Variants in TM6SF1 observed in about 807,000 individuals in gnomAD.
TM6SF1 encodes transmembrane 6 superfamily member 1.
TM6SF1 carries 43 observed loss-of-function variants against 47.1 expected under a neutral mutation model. That is an observed-to-expected ratio of 0.91 (90% CI 0.72 to 1.18). The LOEUF (loss-of-function observed/expected upper bound fraction) is 1.18, where lower values mean the gene tolerates loss of function less well. Ranked by LOEUF, TM6SF1 falls within the 50% of genes most tolerant of loss-of-function variation. The probability of loss-of-function intolerance (pLI) is 0.00; values close to 1 mark genes in which losing one functional copy is unlikely to be tolerated. For missense variants in TM6SF1, 390 were observed against 449.0 expected (o/e 0.87, Z 1.19); for synonymous variants, 177 against 166.3 (o/e 1.06, Z -0.49).
intron 3 of TM6SF1, among the ~76,000 whole-genome samples, chr15:83,118,743 C>T (rs1255859762): frequency 6.6e-6 from 1 of 151,836 alleles, no homozygotes; most frequent in Non-Finnish European, 1.5e-5. Flanking sequence ...ACAGCATGAA[C>T]GTGGGAGAAA....
intron 3 of TM6SF1, among the ~76,000 whole-genome samples, chr15:83,118,643 C>A (rs1013665444): frequency 6.6e-6 from 1 of 152,116 alleles, no homozygotes; most frequent in Admixed American, 6.6e-5. Flanking sequence ...GAAAGCCCTG[C>A]TTGCTTGGCT....
chr15:83,112,702 C>T (rs2034295681), intron 1 of TM6SF1, 95 bp from the exon 2 acceptor site: 2 of 864,056 alleles, frequency 2.3e-6, no homozygotes, highest in Non-Finnish European at 3.9e-6. Flanking sequence ...ATGAATTATG[C>T]AGCACTAGGA....
At position 83,126,807 on chromosome 15, in the gene TM6SF1, A is replaced by C; in HGVS notation, c.761A>C (p.Glu254Ala). 1 of 1,614,062 alleles carries C rather than the reference A, an allele frequency of 6.2e-7. No individual in the cohort carries two copies. Among genetic ancestry groups the C allele is most frequent in the Non-Finnish European group, 8.5e-7 (1 of 1,179,954 alleles). ...ELCRLYTQFQ[E>A]PYLKDPAAYP... is the part of the protein sequence containing the mutation. ...TGCCGATTATATACGCAATTTCAAG[A>C]GCCCTATCTAAAGGATCCTGCTGCT... Residue 254 changes from glutamate to alanine, a missense_variant, in exon 8 of 10, where the codon GAG becomes GCG. Transcript: ENST00000322019.
intron 5 of TM6SF1, among the ~76,000 whole-genome samples, chr15:83,122,213 T>C (rs1481004736): frequency 6.6e-6 from 1 of 152,194 alleles, no homozygotes; most frequent in Non-Finnish European, 1.5e-5. Flanking sequence ...ATTGAACAAT[T>C]TGGCAGTCAA....
chr15:83,113,029 T>C, intron 2 of TM6SF1, 129 bp downstream of exon 2: 1 of 777,996 alleles, frequency 1.3e-6, no homozygotes, highest in African/African-American at 1.7e-5. Context: ...AGTGTAGGGG[T>C]GTTTCAGGAC....
intron 1 of TM6SF1, chr15:83,112,593 C>A: frequency 1.7e-6 from 1 of 600,020 alleles, no homozygotes. Context: ...GCTTCGGTCC[C>A]TGAAAGTCAT....
At position 83,115,956 on chromosome 15, in the gene TM6SF1, T is replaced by A. The variant is rs1211479461; in HGVS notation, c.294+14T>A. 6.9e-6 allele frequency: 11 copies of A among 1,598,792 alleles called. No individual in the cohort carries two copies. The highest frequency in any genetic ancestry group is 9.4e-6 in the Non-Finnish European group (11 of 1,166,082). On this transcript the variant is annotated intron_variant, in intron 3 of 9. Transcript: ENST00000322019. ...TACTTGAGAGAGGTATGGGATCACT[T>A]AGTGATTATGAGGTTTCAACCAAAA...
At chr15:83,122,047 A>G in intron 5 of TM6SF1, 44 bp downstream of exon 5, 1 of 1,456,544 alleles carries the variant, frequency 6.9e-7, no homozygotes, top group Non-Finnish European at 9.6e-7. Context: ...TTCTAAAACA[A>G]TGGGGCTTGT....
At chr15:83,108,010 C>T (rs2033822101) in intron 1 of TM6SF1, 3 of 810,288 alleles carry the variant, frequency 3.7e-6, no homozygotes, top group Non-Finnish European at 5.0e-6. Flanking sequence ...GATGTTGGTG[C>T]CAGCACCGCG....
At chr15:83,118,585 G>A (rs2034916631) in intron 3 of TM6SF1, among the ~76,000 whole-genome samples, 1 of 152,156 alleles carries the variant, frequency 6.6e-6, no homozygotes, top group Non-Finnish European at 1.5e-5. Context: ...TGATCTGTGG[G>A]AGAGATGACA....
intron 3 of TM6SF1, among the ~76,000 whole-genome samples, chr15:83,116,889 C>T (rs769838961): frequency 3.3e-5 from 5 of 152,176 alleles, no homozygotes; most frequent in South Asian, 2.1e-4. Context: ...GCTGTTTTTA[C>T]ACCAGAGAGG....
chr15:83,134,695 C>A (rs2036496517), intron 9 of TM6SF1: 1 of 152,188 alleles, frequency 6.6e-6, no homozygotes, highest in African/African-American at 2.4e-5. Context: ...GGCATTTCCC[C>A]AAATTTGGTG....
chr15:83,131,750 T>G (rs941332486), intron 9 of TM6SF1: 1 of 152,242 alleles, frequency 6.6e-6, no homozygotes, highest in South Asian at 2.1e-4. Flanking sequence ...AAAAGAAGAT[T>G]GAATAAAATG....
In TM6SF1 at chr15:83,127,485, G is replaced by A; in HGVS notation, c.921+8G>A. Reference sequence around the variant, plus strand: ...GCTGGAGGTCTGGCTCAGGTACTAAGAATATTCTGTTGAGAAGGTTTACTT... The same window carrying A: ...GCTGGAGGTCTGGCTCAGGTACTAAAAATATTCTGTTGAGAAGGTTTACTT... On this transcript the variant is annotated splice_region_variant and intron_variant, in intron 9 of 9. Transcript: ENST00000322019. The A allele has an allele frequency of 6.2e-7, 1 of 1,612,594 alleles. No individual in the cohort carries two copies. Among genetic ancestry groups the A allele is most frequent in the Non-Finnish European group, 8.5e-7 (1 of 1,179,356 alleles).
intron 1 of TM6SF1, among the ~76,000 whole-genome samples, chr15:83,112,075 G>A (rs1363159474): frequency 6.6e-6 from 1 of 152,152 alleles, no homozygotes; most frequent in African/African-American, 2.4e-5. Flanking sequence ...CCACTGAGTA[G>A]CGGCTTTGGC....
chr15:83,119,060 G>A (rs2034970460), intron 3 of TM6SF1, among the ~76,000 whole-genome samples: 1 of 152,192 alleles, frequency 6.6e-6, no homozygotes, highest in South Asian at 2.1e-4. Context: ...TAGAAGGAGG[G>A]GTTGGGTGTG....
intron 9 of TM6SF1, chr15:83,131,203 C>T (rs1483928236): frequency 2.0e-5 from 3 of 152,122 alleles, no homozygotes; most frequent in South Asian, 2.1e-4. Flanking sequence ...CTTATGCATT[C>T]ATGATCCCAC....
chr15:83,128,032 C>T (rs1180311473), intron 9 of TM6SF1: 2 of 152,276 alleles, frequency 1.3e-5, no homozygotes, highest in Non-Finnish European at 2.9e-5. Context: ...CTATGGAGAA[C>T]TTCACACATA....
At chr15:83,130,790 A>G (rs2036176371) in intron 9 of TM6SF1, 1 of 152,224 alleles carries the variant, frequency 6.6e-6, no homozygotes, top group Admixed American at 6.5e-5. Context: ...TGACACATTC[A>G]TCACAGAAAG....
Sources: gnomAD v4.1 joint callset for allele counts (sites outside exome capture counted in the v4.1 genomes callset) on GRCh38, gnomAD v4.1.1 for gene constraint, MANE v1.5 for transcripts, NCBI Gene and HGNC (gene_info 2026-07-23, HGNC 2026-07-21) for gene names.